The following CLVS1 variants were observed in gnomAD, a reference collection of about 807,000 sequenced individuals.
CLVS1 encodes the protein clavesin 1, also known as clavesin-1.
Under a neutral mutation model 33.1 loss-of-function variants are expected in CLVS1, and 10 were observed. The observed-to-expected ratio is 0.30, with a 90% CI of 0.19 to 0.51. The LOEUF is 0.51. Among genes scored for constraint, CLVS1 ranks in the 20% least tolerant of loss-of-function variants. The probability of loss-of-function intolerance (pLI) is 0.97; values close to 1 mark genes in which losing one functional copy is unlikely to be tolerated. For missense variants in CLVS1, 343 were observed against 433.4 expected, an observed-to-expected ratio of 0.79 and a Z score of 1.85; for synonymous variants, 163 against 166.1, an observed-to-expected ratio of 0.98 and a Z score of 0.14.
intron 5 of CLVS1, among the ~76,000 whole-genome samples, chr8:61,485,571 T>C (rs1172196651): frequency 6.6e-6 from 1 of 152,200 alleles, no homozygotes; most frequent in East Asian, 1.9e-4. Context: ...GAAATACCAT[T>C]TGACCCAGCC....
intron 2 of CLVS1, among the ~76,000 whole-genome samples, chr8:61,150,269 G>C (rs1806502672): frequency 6.6e-6 from 1 of 152,128 alleles, no homozygotes; most frequent in African/African-American, 2.4e-5. Flanking sequence ...CCTCACTTCT[G>C]GTCCAGCAGG....
intron 3 of CLVS1, among the ~76,000 whole-genome samples, chr8:61,444,460 T>A (rs1816680892): frequency 6.6e-6 from 1 of 152,242 alleles, no homozygotes; most frequent in African/African-American, 2.4e-5. Context: ...TTTGCCAAAG[T>A]CTTTTTATGT....
chr8:61,305,421 T>G (rs532384797), intron 2 of CLVS1, among the ~76,000 whole-genome samples: 1 of 152,166 alleles, frequency 6.6e-6, no homozygotes, highest in African/African-American at 2.4e-5. Flanking sequence ...AGTGAGAACA[T>G]GAAATATTTG....
intron 2 of CLVS1, among the ~76,000 whole-genome samples, chr8:61,303,172 A>C (rs1386878128): frequency 1.3e-5 from 2 of 152,262 alleles, no homozygotes; most frequent in African/African-American, 2.4e-5. Flanking sequence ...GGTAGAGAAC[A>C]TCAGTAAATG....
intron 3 of CLVS1, among the ~76,000 whole-genome samples, chr8:61,453,585 T>G (rs1585996198): frequency 6.6e-6 from 1 of 152,252 alleles, no homozygotes; most frequent in Non-Finnish European, 1.5e-5. Flanking sequence ...GTGAAAAAGT[T>G]GTTATAACCT....
chr8:61,259,893 C>T (rs941869760), intron 2 of CLVS1, among the ~76,000 whole-genome samples: 7 of 152,208 alleles, frequency 4.6e-5, no homozygotes, highest in South Asian at 4.1e-4. Context: ...CCCCTGCTGC[C>T]GCACCAGGCT....
At chr8:61,168,109 C>T (rs1162165407) in intron 2 of CLVS1, among the ~76,000 whole-genome samples, 1 of 152,128 alleles carries the variant, frequency 6.6e-6, no homozygotes, top group Non-Finnish European at 1.5e-5. Flanking sequence ...GGGTTTGGAT[C>T]GGGACCCCTT....
intron 2 of CLVS1, among the ~76,000 whole-genome samples, chr8:61,274,848 G>A (rs909573516): frequency 6.6e-6 from 1 of 152,100 alleles, no homozygotes; most frequent in East Asian, 1.9e-4. Flanking sequence ...TTACAACTCT[G>A]TCCATTTCTC....
At chr8:61,379,918 G>A (rs55931431) in intron 3 of CLVS1, among the ~76,000 whole-genome samples, 98 of 152,248 alleles carry the variant, frequency 6.4e-4, no homozygotes, top group Non-Finnish European at 1.4e-3. Context: ...TAGTAAACTT[G>A]GGCAAAGTGG....
chr8:61,212,652 G>A (rs966571880), intron 2 of CLVS1, among the ~76,000 whole-genome samples: 12 of 152,174 alleles, frequency 7.9e-5, no homozygotes, highest in African/African-American at 2.9e-4. Context: ...TAGGAGCTAA[G>A]GTGGTGGTGT....
chr8:61,378,225 G>C (rs896229382), intron 3 of CLVS1: 1 of 152,168 alleles, frequency 6.6e-6, no homozygotes, highest in African/African-American at 2.4e-5. Context: ...GCAAGTAACT[G>C]TGATTCAAGT....
chr8:61,420,745 G>A (rs2007093), intron 3 of CLVS1, among the ~76,000 whole-genome samples: 9,735 of 152,164 alleles, frequency 0.064, 473 homozygotes, highest in Middle Eastern at 0.1. Flanking sequence ...GAGGCGGGCG[G>A]ATCACCTGAA....
At chr8:60,999,036 T>TG in the CLVS1 span, among the ~76,000 whole-genome samples, 3 of 152,048 alleles carry the variant, frequency 2.0e-5, no homozygotes, top group African/African-American at 7.2e-5. Context: ...GCCAGTGTCT[T>TG]GGGGTGTGAT....
chr8:61,426,178 C>T (rs1815884201), intron 3 of CLVS1, among the ~76,000 whole-genome samples: 1 of 152,188 alleles, frequency 6.6e-6, no homozygotes, highest in African/African-American at 2.4e-5. Context: ...AGCACCAATT[C>T]CTCATTCCTG....
chr8:61,338,746 A>G (rs1449084245), intron 2 of CLVS1, among the ~76,000 whole-genome samples: 2 of 152,270 alleles, frequency 1.3e-5, no homozygotes, highest in East Asian at 1.9e-4. Context: ...CAGGGCTGAC[A>G]AACACGCCGA....
chr8:61,499,760 CTGGAGGATGATGCAAGGCATTTA>C lies in CLVS1; in HGVS notation c.*221_*243del. ...CTTTTTTTTTCCCCCAGTGAGGGGA[CTGGAGGATGATGCAAGGCATTTA>C]TGTAAAAAAGATTCTCCCTCCTTTC... On this transcript the variant is annotated 3_prime_UTR_variant, in exon 6 of 6. Transcript: ENST00000325897. 1 of 386,268 alleles carries C rather than the reference CTGGAGGATGATGCAAGGCATTTA, an allele frequency of 2.6e-6. No homozygotes were observed. 23.9% of individuals were successfully genotyped at this position (386,268 alleles called of 1,614,324 possible).
At chr8:61,028,900 C>G in the CLVS1 span, among the ~76,000 whole-genome samples, 2 of 152,156 alleles carry the variant, frequency 1.3e-5, no homozygotes, top group African/African-American at 4.8e-5. Context: ...CTTCCTCTGG[C>G]CTACAAGGGC....
the CLVS1 span, among the ~76,000 whole-genome samples, chr8:61,022,369 C>G: frequency 6.6e-6 from 1 of 152,194 alleles, no homozygotes; most frequent in African/African-American, 2.4e-5. Flanking sequence ...CCACACTGAT[C>G]TCTAGCATAT....
intron 3 of CLVS1, among the ~76,000 whole-genome samples, chr8:61,441,339 T>C (rs2129606151): frequency 6.6e-6 from 1 of 152,310 alleles, no homozygotes; most frequent in East Asian, 1.9e-4. Context: ...GACAGAAGAT[T>C]TCAAAGTCAG....
Sources: gnomAD v4.1 joint callset for allele counts (sites outside exome capture counted in the v4.1 genomes callset) on GRCh38, gnomAD v4.1.1 for gene constraint, MANE v1.5 for transcripts, NCBI Gene and HGNC (gene_info 2026-07-23, HGNC 2026-07-21) for gene names.